The following PAPOLG variants were observed in gnomAD, a reference collection of about 807,000 sequenced individuals.
PAPOLG encodes PAP-gamma.
PAPOLG carries 40 observed loss-of-function variants against 99.0 expected under a neutral mutation model. The ratio of observed to expected loss-of-function variants is 0.40; its 90% CI spans 0.31 to 0.53. The LOEUF is 0.53. Among genes scored for constraint, PAPOLG ranks in the 20% least tolerant of loss-of-function variants. PAPOLG has a pLI of 0.41. For missense variants in PAPOLG, 675 were observed against 884.1 expected (o/e 0.76, Z 3.00); for synonymous variants, 310 against 299.3 (o/e 1.04, Z -0.37).
chr2:60,793,573 GA>G (rs1311095514), intron 17 of PAPOLG, 53 bp from the exon 18 acceptor site: 5 of 1,588,492 alleles, frequency 3.1e-6, no homozygotes, highest in Admixed American at 1.7e-5. Flanking sequence ...CAAAAAAGGA[GA>G]AAAAAAGTAA....
chr2:60,759,441 G>C (rs62149377), intron 1 of PAPOLG, among the ~76,000 whole-genome samples: 38,778 of 151,976 alleles, frequency 0.26, 5,249 homozygotes, highest in Middle Eastern at 0.34. Flanking sequence ...TGATGGCTAA[G>C]ATGTTTGGAG....
intron 3 of PAPOLG, among the ~76,000 whole-genome samples, chr2:60,762,164 G>C (rs975116089): frequency 6.6e-6 from 1 of 152,052 alleles, no homozygotes; most frequent in African/African-American, 2.4e-5. Context: ...AAGGGGATTG[G>C]GCTCCTGTCT....
At chr2:60,782,653 CTTTTTTTTT>C (rs747526129) in intron 11 of PAPOLG, 24 bp from the exon 12 acceptor site, 43 of 1,065,968 alleles carry the variant, frequency 4.0e-5, no homozygotes, top group African/African-American at 5.3e-5. Flanking sequence ...CATTCTTCTT[CTTTTTTTTT>C]TTTTTTTTTT....
At chr2:60,756,571 C>G (rs1482810478) in intron 1 of PAPOLG, 76 bp downstream of exon 1, 10 of 1,468,624 alleles carry the variant, frequency 6.8e-6, no homozygotes, top group East Asian at 2.4e-5. Flanking sequence ...TCCTTGTTTC[C>G]GTTCCCTGTC....
At chr2:60,763,692 C>A (rs530897961) in intron 3 of PAPOLG, among the ~76,000 whole-genome samples, 5 of 149,958 alleles carry the variant, frequency 3.3e-5, no homozygotes, top group African/African-American at 4.9e-5. Context: ...TTAGTAGAGA[C>A]GGGGTTTCAC....
intron 11 of PAPOLG, 130 bp downstream of exon 11, chr2:60,782,135 GTTATT>G: frequency 1.0e-6 from 1 of 1,002,172 alleles, no homozygotes; most frequent in Non-Finnish European, 1.4e-6. Context: ...TTCAAGTATG[GTTATT>G]TTGTTTTTTA....
intron 8 of PAPOLG, 23 bp from the exon 9 acceptor site, chr2:60,779,614 T>A: frequency 6.3e-7 from 1 of 1,595,176 alleles, no homozygotes; most frequent in Non-Finnish European, 8.6e-7. Context: ...TAATAATAAT[T>A]AACAAATATA....
rs1434211270 is a variant in PAPOLG, at chr2:60,801,175, A to C, written c.*4015A>C. ...AAAATGTTGAGTTCTGTAGCATGAA[A>C]ACTCTCTTGCTCCTCCATGTTTGTA... On this transcript the variant is annotated 3_prime_UTR_variant, in exon 22 of 22. Coordinates refer to ENST00000238714, the MANE Select transcript of PAPOLG (RefSeq NM_022894.4). 3 of 152,250 alleles carry C rather than the reference A, an allele frequency of 2.0e-5. No individual in the cohort carries two copies. The highest frequency in any genetic ancestry group is 4.4e-5 in the Non-Finnish European group (3 of 68,022). 9.4% of individuals were successfully genotyped at this position (152,250 alleles called of 1,614,324 possible). A position where few individuals can be genotyped will look rare whatever the true frequency, so the allele number is the denominator to read the frequency against.
chr2:60,791,668 G>A, intron 15 of PAPOLG, 93 bp from the exon 16 acceptor site: 1 of 1,463,386 alleles, frequency 6.8e-7, no homozygotes. Context: ...GTGATAGTGG[G>A]GAGATAGTAA....
chr2:60,785,968 A>C (rs1219942489), intron 13 of PAPOLG, among the ~76,000 whole-genome samples: 1 of 152,174 alleles, frequency 6.6e-6, no homozygotes, highest in Non-Finnish European at 1.5e-5. Context: ...AGATTCAGGA[A>C]TGCATTACAT....
intron 1 of PAPOLG, among the ~76,000 whole-genome samples, chr2:60,757,629 T>C (rs1192509050): frequency 2.0e-5 from 3 of 151,216 alleles, no homozygotes; most frequent in African/African-American, 7.4e-5. Flanking sequence ...ATATTAATTA[T>C]TGTATTGTAT....
chr2:60,778,308 G>T (rs565693417), intron 8 of PAPOLG, among the ~76,000 whole-genome samples: 2 of 137,580 alleles, frequency 1.5e-5, no homozygotes, highest in East Asian at 3.9e-4. Context: ...CACTACACCC[G>T]GCTAATTTTA....
Position 60,801,943 on chromosome 2 carries a change from T to A in PAPOLG, c.*4783T>A, listed in dbSNP as rs1010838200. ...CAGTACTATGTAAAATGAATGGAGC[T>A]GCTGTTCCTTTCTAGCTAGCTGTTT... is the stretch of plus-strand genomic sequence containing the variant. On this transcript the variant is annotated 3_prime_UTR_variant, in exon 22 of 22. Coordinates refer to ENST00000238714, the MANE Select transcript of PAPOLG (RefSeq NM_022894.4). The A allele has an allele frequency of 2.0e-5, 3 of 152,386 alleles. No individual in the cohort carries two copies. The highest frequency in any genetic ancestry group is 7.2e-5 in the African/African-American group (3 of 41,466). 9.4% of individuals were successfully genotyped at this position (152,386 alleles called of 1,614,324 possible). A position where few individuals can be genotyped will look rare whatever the true frequency, so the allele number is the denominator to read the frequency against.
chr2:60,786,082 T>G (rs1671353377), intron 13 of PAPOLG, among the ~76,000 whole-genome samples: 1 of 152,192 alleles, frequency 6.6e-6, no homozygotes, highest in Admixed American at 6.5e-5. Context: ...GGGCTGAAAT[T>G]TTTAAATGAA....
At chr2:60,773,156 A>G (rs1354324046) in intron 7 of PAPOLG, among the ~76,000 whole-genome samples, 1 of 152,102 alleles carries the variant, frequency 6.6e-6, no homozygotes, top group Non-Finnish European at 1.5e-5. Context: ...CAAACTCTCG[A>G]TATCAGGTGA....
At chr2:60,776,934 C>G (rs1671038632) in intron 8 of PAPOLG, among the ~76,000 whole-genome samples, 1 of 152,236 alleles carries the variant, frequency 6.6e-6, no homozygotes, top group Admixed American at 6.5e-5. Context: ...TTCTGGATAA[C>G]TTCCTGCAAC....
rs1381599911 is a variant in PAPOLG at position 60,780,791 on chromosome 2, A to T, written c.906+12A>T. The T allele has an allele frequency of 2.5e-6, 4 of 1,588,630 alleles. No individual in the cohort carries two copies. The highest frequency in any genetic ancestry group is 3.3e-4 in the Middle Eastern group (2 of 6,016). On this transcript the variant is annotated intron_variant, in intron 10 of 21. Coordinates refer to ENST00000238714, the MANE Select transcript of PAPOLG (RefSeq NM_022894.4). ...TCTGGGATCCTCGGGTATGTGATTT[A>T]TTATGGAGTTTCTTTAAAGCTTTTA...
chr2:60,756,553 C>T (rs373103156), intron 1 of PAPOLG, 58 bp downstream of exon 1: 63 of 1,525,690 alleles, frequency 4.1e-5, no homozygotes, highest in Non-Finnish European at 5.6e-5. Context: ...TGAGGTGGTC[C>T]GACTGTGTCC....
At chr2:60,788,943 G>C (rs1053201188) in intron 15 of PAPOLG, among the ~76,000 whole-genome samples, 1 of 152,114 alleles carries the variant, frequency 6.6e-6, no homozygotes, top group Non-Finnish European at 1.5e-5. Flanking sequence ...GCAGTGAGCC[G>C]AGATTGCGCC....
Sources: gnomAD v4.1 joint callset for allele counts (sites outside exome capture counted in the v4.1 genomes callset) on GRCh38, gnomAD v4.1.1 for gene constraint, MANE v1.5 for transcripts, NCBI Gene and HGNC (gene_info 2026-07-23, HGNC 2026-07-21) for gene names.